Variants in CRYZL1 observed in about 807,000 individuals in gnomAD.
CRYZL1 encodes the protein crystallin zeta like 1, also known as ferry endosomal RAB5 effector complex subunit 4.
CRYZL1 carries 34 observed loss-of-function variants against 50.6 expected under a neutral mutation model. That is an observed-to-expected ratio of 0.67 (90% CI 0.51 to 0.89). The LOEUF is 0.89. Ranked by LOEUF, CRYZL1 falls within the 40% of genes least tolerant of loss-of-function variation. CRYZL1 has a pLI of 0.00. For synonymous variants in CRYZL1, 125 were observed against 134.3 expected, an observed-to-expected ratio of 0.93 and a Z score of 0.48; for missense variants, 354 against 402.3, an observed-to-expected ratio of 0.88 and a Z score of 1.03.
At chr21:33,612,411 C>T (rs368470384) in intron 6 of CRYZL1, among the ~76,000 whole-genome samples, 31 of 152,100 alleles carry the variant, frequency 2.0e-4, no homozygotes, top group African/African-American at 3.1e-4. Context: ...CTCAGCCTCC[C>T]GAGTAGCTGG....
intron 6 of CRYZL1, among the ~76,000 whole-genome samples, chr21:33,606,077 A>T (rs990584181): frequency 2.6e-5 from 4 of 152,174 alleles, no homozygotes; most frequent in Non-Finnish European, 5.9e-5. Flanking sequence ...TAGCACACAC[A>T]GTACTTTATT....
intron 2 of CRYZL1, 24 bp from the exon 3 acceptor site, chr21:33,624,784 AAT>A (rs991104627): frequency 8.9e-6 from 14 of 1,579,454 alleles, no homozygotes; most frequent in Non-Finnish European, 1.2e-5. Context: ...ATAACAAAAC[AAT>A]ATGTTATTTT....
At chr21:33,612,631 A>G (rs2086885094) in intron 6 of CRYZL1, among the ~76,000 whole-genome samples, 1 of 152,130 alleles carries the variant, frequency 6.6e-6, no homozygotes, top group South Asian at 2.1e-4. Context: ...GTGGATGCAT[A>G]ATGTTATCTC....
intron 6 of CRYZL1, among the ~76,000 whole-genome samples, chr21:33,606,231 C>T (rs578184257): frequency 1.2e-3 from 189 of 152,230 alleles, no homozygotes; most frequent in Non-Finnish European, 1.6e-3. Flanking sequence ...CAACAGTGCA[C>T]GCTCAATCAA....
intron 5 of CRYZL1, among the ~76,000 whole-genome samples, chr21:33,616,009 C>T (rs947511293): frequency 2.2e-4 from 33 of 152,112 alleles, no homozygotes; most frequent in African/African-American, 8.0e-4. Context: ...TATACATATG[C>T]CATGCTGGTG....
intron 1 of CRYZL1, among the ~76,000 whole-genome samples, chr21:33,636,795 C>T (rs1351559259): frequency 6.6e-6 from 1 of 152,090 alleles, no homozygotes; most frequent in Non-Finnish European, 1.5e-5. Flanking sequence ...ACACTCAATC[C>T]CCCAAGAAGC....
intron 10 of CRYZL1, chr21:33,596,156 C>A (rs1199984615): frequency 1.9e-6 from 1 of 534,254 alleles, no homozygotes; most frequent in South Asian, 1.6e-5. Flanking sequence ...GTGAGAATTA[C>A]GGTATTTGCA....
At chr21:33,635,047 A>C (rs1314930533) in intron 1 of CRYZL1, among the ~76,000 whole-genome samples, 2 of 152,008 alleles carry the variant, frequency 1.3e-5, no homozygotes, top group Non-Finnish European at 2.9e-5. Context: ...TTAAAGTTAC[A>C]AAGTAAAGAA....
chr21:33,600,089 G>GT (rs953248303), intron 8 of CRYZL1, among the ~76,000 whole-genome samples: 3 of 152,018 alleles, frequency 2.0e-5, no homozygotes, highest in Non-Finnish European at 4.4e-5. Flanking sequence ...TAAACCGATC[G>GT]TAACATTTAA....
rs573267623 is a variant in CRYZL1, at chr21:33,602,667, C to T, written c.466-322G>A. ...AAGAGAAAACTGGGCCTTGTCAATG[C>T]GATGGTCTAAGCTAATTATATACTA... On this transcript the variant is annotated intron_variant, in intron 7 of 12. Transcript: ENST00000381554. Among the ~76,000 whole-genome samples the T allele has an allele frequency of 3.6e-4, 55 of 152,188 alleles. 1 individual carries two copies. Among genetic ancestry groups the T allele is most frequent in the Non-Finnish European group, 6.9e-4 (47 of 68,006 alleles).
At chr21:33,621,543 G>A (rs1400159748) in intron 4 of CRYZL1, among the ~76,000 whole-genome samples, 5 of 151,634 alleles carry the variant, frequency 3.3e-5, no homozygotes, top group Non-Finnish European at 5.9e-5. Context: ...GGGTTTCACC[G>A]TGTTAGCCAG....
chr21:33,597,519 TTGCCCAGGC>T lies in CRYZL1; in HGVS notation c.677-127_677-119del. The T allele has an allele frequency of 8.6e-6, 7 of 813,186 alleles. No homozygotes were observed. In the South Asian group the frequency reaches 1.3e-4, roughly 15 times the overall value. The allele number at this position is 813,186 out of a possible 1,614,324, so 50.4% of individuals were successfully genotyped here. ...TATTTAGAGACAAGGTCTTACTATG[TTGCCCAGGC>T]TGGCCTGGACTCCAGCAATCCTCCA... On this transcript the variant is annotated intron_variant, in intron 9 of 12. Transcript: ENST00000381554.
intron 4 of CRYZL1, 22 bp from the exon 5 acceptor site, chr21:33,616,772 T>C (rs748218132): frequency 9.0e-6 from 14 of 1,547,904 alleles, no homozygotes; most frequent in South Asian, 4.8e-5. Flanking sequence ...AGAAAATTAA[T>C]AGTTAATATT....
Position 33,599,638 on chromosome 21 carries a change from C to CTT in CRYZL1, c.578-392_578-391dup, listed in dbSNP as rs11418544. ...ATGAAATGGAAGATTAAGTCAGTTT[C>CTT]TTTTTTTTTTTCAGACAGGTTCTCA... On this transcript the variant is annotated intron_variant, in intron 8 of 12. Coordinates refer to ENST00000381554, the MANE Select transcript of CRYZL1 (RefSeq NM_145858.3). 4.6e-4 allele frequency among the ~76,000 whole-genome samples: 68 copies of CTT among 146,696 alleles called. 1 individual carries two copies. The highest frequency in any genetic ancestry group is 6.5e-4 in the South Asian group (3 of 4,610).
intron 4 of CRYZL1, among the ~76,000 whole-genome samples, chr21:33,617,648 C>G (rs1034353402): frequency 6.6e-6 from 1 of 151,780 alleles, no homozygotes. Flanking sequence ...GGGTCGTGAT[C>G]GATTGAGCAA....
At chr21:33,640,706 C>T (rs535952414) in intron 1 of CRYZL1, among the ~76,000 whole-genome samples, 2 of 152,238 alleles carry the variant, frequency 1.3e-5, no homozygotes, top group East Asian at 1.9e-4. Flanking sequence ...ATTTTTCCCA[C>T]CTTTTAATTT....
chr21:33,627,461 T>C (rs2087080650), intron 2 of CRYZL1, among the ~76,000 whole-genome samples: 1 of 152,174 alleles, frequency 6.6e-6, no homozygotes, highest in Non-Finnish European at 1.5e-5. Flanking sequence ...CGATCAAAAC[T>C]CTCATAATTA....
intron 6 of CRYZL1, 58 bp downstream of exon 6, chr21:33,613,480 A>G: frequency 9.0e-7 from 1 of 1,109,550 alleles, no homozygotes; most frequent in Non-Finnish European, 1.4e-6. Context: ...ATGTTATTAA[A>G]CCATATGTCA....
chr21:33,597,827 G>T (rs1230915120), intron 9 of CRYZL1, among the ~76,000 whole-genome samples: 1 of 152,100 alleles, frequency 6.6e-6, no homozygotes, highest in Non-Finnish European at 1.5e-5. Flanking sequence ...TGTTAGCCAG[G>T]ATGGTCTCAA....
Sources: gnomAD v4.1 joint callset for allele counts (sites outside exome capture counted in the v4.1 genomes callset) on GRCh38, gnomAD v4.1.1 for gene constraint, MANE v1.5 for transcripts, NCBI Gene and HGNC (gene_info 2026-07-23, HGNC 2026-07-21) for gene names.